The following NR1D2 variants were observed in gnomAD, a reference collection of about 807,000 sequenced individuals.
The protein encoded by NR1D2 is nuclear receptor subfamily 1 group D member 2.
In NR1D2, 25 loss-of-function variants were observed where a neutral mutation model predicts 52.2. That is an observed-to-expected ratio of 0.48 (90% CI 0.35 to 0.67). The LOEUF (loss-of-function observed/expected upper bound fraction) is 0.67, where lower values mean the gene tolerates loss of function less well. Among genes scored for constraint, NR1D2 ranks in the 30% least tolerant of loss-of-function variants. NR1D2 has a pLI of 0.01. For missense variants in NR1D2, 681 were observed against 707.2 expected (o/e 0.96, Z 0.42); for synonymous variants, 259 against 230.1 (o/e 1.13, Z -1.14).
rs187814022 is a variant in NR1D2, at chr3:23,962,688, G to T, written c.1146+83G>T. The stretch of plus-strand genomic sequence containing the variant: ...TTTTATTCGGGAGATATGCTAACTT[G>T]GGGGGATGGTGTCAGGAAACCTAAG... On this transcript the variant is annotated intron_variant, in intron 5 of 7. Coordinates refer to ENST00000312521, the MANE Select transcript of NR1D2 (RefSeq NM_005126.5). The T allele has an allele frequency of 1.1e-3, 1,425 of 1,321,904 alleles. 4 individuals carry two copies. Among genetic ancestry groups the T allele is most frequent in the Non-Finnish European group, 9.2e-4 (883 of 963,364 alleles). 81.9% of individuals were successfully genotyped at this position (1,321,904 alleles called of 1,614,324 possible). A position where few individuals can be genotyped will look rare whatever the true frequency, so the allele number is the denominator to read the frequency against.
intron 1 of NR1D2, among the ~76,000 whole-genome samples, chr3:23,953,232 A>G (rs1299172923): frequency 3.3e-5 from 5 of 149,268 alleles, no homozygotes; most frequent in Non-Finnish European, 7.4e-5. Context: ...AGTCCCAGCT[A>G]TTCAGGAGGC....
At position 23,962,425 on chromosome 3, in the gene NR1D2, C is replaced by T. The variant is rs200679135; in HGVS notation, c.966C>T (p.Phe322=). Residue 322 remains phenylalanine (F), a synonymous_variant, in exon 5 of 8, where the codon TTC becomes TTT. Transcript: ENST00000312521. ...SESQQHLNGQ[F]KGRNIMHYPN... ...GCCAGCAGCATCTCAATGGACAGTT[C>T]AAAGGGAGGAATATAATGCATTACC... 1 of 1,614,066 alleles carries T rather than the reference C, an allele frequency of 6.2e-7. No homozygotes were observed. Among genetic ancestry groups the T allele is most frequent in the South Asian group, 1.1e-5 (1 of 91,034 alleles).
chr3:23,967,696 C>T, intron 6 of NR1D2, 117 bp from the exon 7 acceptor site: 1 of 747,538 alleles, frequency 1.3e-6, no homozygotes, highest in Admixed American at 2.9e-5. Flanking sequence ...CCCTGTTTTT[C>T]TTTTATAACT....
chr3:23,975,376 G>A (rs539040606), intron 7 of NR1D2, among the ~76,000 whole-genome samples: 3 of 150,528 alleles, frequency 2.0e-5, no homozygotes, highest in Admixed American at 1.3e-4. Flanking sequence ...CTCCTGCCTC[G>A]GCCTTCCAAA....
At chr3:23,959,848 T>G in intron 4 of NR1D2, 33 bp downstream of exon 4, 2 of 1,581,912 alleles carry the variant, frequency 1.3e-6, no homozygotes, top group Non-Finnish European at 1.7e-6. Context: ...GTTCCTAAAG[T>G]GTATGGAGCT....
chr3:23,977,699 C>T lies in NR1D2; in HGVS notation c.*280C>T, dbSNP rs540958582. 1 of 243,902 alleles carries T rather than the reference C, an allele frequency of 4.1e-6. No homozygotes were observed. Among genetic ancestry groups the T allele is most frequent in the South Asian group, 1.7e-4 (1 of 6,024 alleles). 15.1% of individuals were successfully genotyped at this position (243,902 alleles called of 1,614,324 possible). A position where few individuals can be genotyped will look rare whatever the true frequency, so the allele number is the denominator to read the frequency against. On this transcript the variant is annotated 3_prime_UTR_variant, in exon 8 of 8. Coordinates refer to ENST00000312521, the MANE Select transcript of NR1D2 (RefSeq NM_005126.5). Reference sequence around the variant, plus strand: ...CACACTGAATGTTAGACTTTTTCATCTGCCAAAACCAAAAACCATTTTGAT... The same window carrying T: ...CACACTGAATGTTAGACTTTTTCATTTGCCAAAACCAAAAACCATTTTGAT...
At chr3:23,953,687 A>T (rs1016201208) in intron 1 of NR1D2, among the ~76,000 whole-genome samples, 5 of 152,164 alleles carry the variant, frequency 3.3e-5, no homozygotes, top group African/African-American at 1.2e-4. Context: ...GGGCTGTGAA[A>T]CGATCCCTGT....
Position 23,945,638 on chromosome 3 carries a change from G to A in NR1D2, c.16+44G>A, listed in dbSNP as rs540196148. On this transcript the variant is annotated intron_variant, in intron 1 of 7. Coordinates refer to ENST00000312521, the MANE Select transcript of NR1D2 (RefSeq NM_005126.5). ...CGGGTGGGGGATGGCCGGAGGGAGC[G>A]CTCAGAGCCCGCGGGGCACTTTGGG... 4 of 1,117,622 alleles carry A rather than the reference G, an allele frequency of 3.6e-6. No homozygotes were observed. The South Asian group carries it at 1.7e-4, about 48-fold the overall frequency. The allele number at this position is 1,117,622 out of a possible 1,614,324, so 69.2% of individuals were successfully genotyped here.
rs778955450 is a variant in NR1D2, at chr3:23,962,382, A to G, written c.923A>G (p.His308Arg). 5.0e-6 allele frequency: 8 copies of G among 1,614,082 alleles called. No homozygotes were observed. In the South Asian group the frequency reaches 6.6e-5, roughly 13 times the overall value. The change falls in exon 5 of 8, where the codon CAT becomes CGT. Residue 308 changes from histidine to arginine, a missense_variant. His to Arg is a conservative substitution (Grantham distance 29). Transcript: ENST00000312521. The stretch of plus-strand genomic sequence containing the variant: ...CATTGCGGCAATGGGCTTAGCAGCC[A>G]TTTTCCCTGTAGTGAGAGCCAGCAG... ...HDHCGNGLSS[H>R]FPCSESQQHL...
At chr3:23,961,873 A>G (rs572946432) in intron 4 of NR1D2, 104 bp from the exon 5 acceptor site, 6 of 1,044,856 alleles carry the variant, frequency 5.7e-6, no homozygotes, top group Non-Finnish European at 8.1e-6. Context: ...CATTCTTTAT[A>G]TGTATGACTA....
In NR1D2 at chr3:23,979,727, CCAG is replaced by C; in HGVS notation, c.*2313_*2315del. 1 of 152,156 alleles carries C rather than the reference CCAG, an allele frequency of 6.6e-6. No individual in the cohort carries two copies. Among genetic ancestry groups the C allele is most frequent in the Non-Finnish European group, 1.5e-5 (1 of 67,934 alleles). 9.4% of individuals were successfully genotyped at this position (152,156 alleles called of 1,614,324 possible). ...TAAAACTTTTGATTCTAAAATTAAA[CCAG>C]CAGCCTATTACAAGCACATTCTTTG... On this transcript the variant is annotated 3_prime_UTR_variant, in exon 8 of 8. Coordinates refer to ENST00000312521, the MANE Select transcript of NR1D2 (RefSeq NM_005126.5).
At position 23,977,220 on chromosome 3, in the gene NR1D2, T is replaced by C. The variant is rs1706752777; in HGVS notation, c.1544-3T>C. 5 of 1,559,404 alleles carry C rather than the reference T, an allele frequency of 3.2e-6. No individual in the cohort carries two copies. In the East Asian group the frequency reaches 6.7e-5, roughly 21 times the overall value. ...CTATTTCCCTATTCCTGATCTCTCT[T>C]AGATCGATCTGGAATAGAAAACGTC... is the stretch of plus-strand genomic sequence containing the variant. On this transcript the variant is annotated splice_region_variant and splice_polypyrimidine_tract_variant and intron_variant, in intron 7 of 7. Transcript: ENST00000312521.
intron 5 of NR1D2, chr3:23,963,163 T>A: frequency 1.4e-6 from 1 of 709,428 alleles, no homozygotes; most frequent in Non-Finnish European, 2.2e-6. Context: ...GATGACTTAA[T>A]GTTGGTCATA....
chr3:23,953,615 T>G (rs996284390), intron 1 of NR1D2, among the ~76,000 whole-genome samples: 1 of 152,078 alleles, frequency 6.6e-6, no homozygotes, highest in African/African-American at 2.4e-5. Context: ...GAACTGGGGA[T>G]TGGTTAGTGG....
chr3:23,946,019 G>T (rs899944294), intron 1 of NR1D2: 1 of 797,678 alleles, frequency 1.3e-6, no homozygotes, highest in Non-Finnish European at 1.5e-6. Flanking sequence ...GCAGGGACAC[G>T]TGGGGGCGGG....
rs1706185263 is a variant in NR1D2, at chr3:23,959,700, C to T, written c.402C>T (p.Asn134=). The T allele has an allele frequency of 6.2e-7, 1 of 1,612,676 alleles. No individual in the cohort carries two copies. The highest frequency in any genetic ancestry group is 8.5e-7 in the Non-Finnish European group (1 of 1,179,652). The change falls in exon 4 of 8, where the codon AAC becomes AAT. Residue 134 remains asparagine, a synonymous_variant. Coordinates refer to ENST00000312521, the MANE Select transcript of NR1D2 (RefSeq NM_005126.5). Reference sequence around the variant, plus strand: ...TCTTTCGGAGAAGTATTCAACAAAACATCCAGTACAAGAAGTGCCTGAAGA... The same window carrying T: ...TCTTTCGGAGAAGTATTCAACAAAATATCCAGTACAAGAAGTGCCTGAAGA... The part of the protein sequence containing the change: ...KGFFRRSIQQ[N]IQYKKCLKNE...
intron 6 of NR1D2, among the ~76,000 whole-genome samples, chr3:23,965,740 G>A (rs1706426991): frequency 6.6e-6 from 1 of 152,074 alleles, no homozygotes; most frequent in Admixed American, 6.6e-5. Context: ...TACAGCATAT[G>A]AACTCCTGAG....
At chr3:23,952,956 G>GTTTT (rs556626311) in intron 1 of NR1D2, among the ~76,000 whole-genome samples, 1 of 146,110 alleles carries the variant, frequency 6.8e-6, no homozygotes, top group Non-Finnish European at 1.5e-5. Flanking sequence ...TTCTCTGCCT[G>GTTTT]TTTTTTTTTT....
chr3:23,978,456 AAC>A lies in NR1D2; in HGVS notation c.*1039_*1040del, dbSNP rs1205333524. The A allele has an allele frequency of 6.6e-6, 1 of 150,918 alleles. No individual in the cohort carries two copies. Among genetic ancestry groups the A allele is most frequent in the African/African-American group, 2.5e-5 (1 of 40,730 alleles). 9.3% of individuals were successfully genotyped at this position (150,918 alleles called of 1,614,324 possible). A position where few individuals can be genotyped will look rare whatever the true frequency, so the allele number is the denominator to read the frequency against. On this transcript the variant is annotated 3_prime_UTR_variant, in exon 8 of 8. Transcript: ENST00000312521. ...TAAGCAACACTTAATGTAAAAGTGC[AAC>A]AGGCAATTGAATCCAAATTTCAACG...
Sources: gnomAD v4.1 joint callset for allele counts (sites outside exome capture counted in the v4.1 genomes callset) on GRCh38, gnomAD v4.1.1 for gene constraint, MANE v1.5 for transcripts, NCBI Gene and HGNC (gene_info 2026-07-23, HGNC 2026-07-21) for gene names.